The following KCNC1 variants were observed in gnomAD, a reference collection of about 807,000 sequenced individuals.
The protein encoded by KCNC1 is voltage-gated potassium channel KCNC1.
In KCNC1, 8 loss-of-function variants were observed where a neutral mutation model predicts 43.4. That is an observed-to-expected ratio of 0.18 (90% CI 0.11 to 0.33). The LOEUF is 0.33. KCNC1 is among the 10% of genes least tolerant of loss of function. The pLI is 1.00. For synonymous variants in KCNC1, 361 were observed against 360.5 expected, an observed-to-expected ratio of 1.00 and a Z score of -0.01; for missense variants, 420 against 836.0, an observed-to-expected ratio of 0.50 and a Z score of 6.14.
intron 1 of KCNC1, among the ~76,000 whole-genome samples, chr11:17,737,545 G>A (rs1848782744): frequency 6.6e-6 from 1 of 152,070 alleles, no homozygotes. Context: ...AATGGGGGAG[G>A]GGGCCTGGTG....
Position 17,779,711 on chromosome 11 carries a change from C to T in KCNC1, c.1693+67C>T, listed in dbSNP as rs1590110085. On this transcript the variant is annotated intron_variant, in intron 3 of 3. Transcript: ENST00000265969. This position sits in a 1 kb window ranked among gnomAD's most constrained non-coding sequence, Gnocchi z 7.2. ...CCTCGCGCTCCTGCAGATGGGTGGG[C>T]AGGGCGGCGGGCAAGGGCGCTGAGG... is the stretch of plus-strand genomic sequence containing the variant. The T allele has an allele frequency of 1.5e-6, 2 of 1,318,440 alleles. No homozygotes were observed. The highest frequency in any genetic ancestry group is 2.9e-5 in the East Asian group (1 of 34,394). The allele number at this position is 1,318,440 out of a possible 1,614,324, so 81.7% of individuals were successfully genotyped here. A position where few individuals can be genotyped will look rare whatever the true frequency, so the allele number is the denominator to read the frequency against.
intron 1 of KCNC1, among the ~76,000 whole-genome samples, chr11:17,764,130 C>A (rs1849118099): frequency 6.9e-6 from 1 of 144,984 alleles, no homozygotes; most frequent in African/African-American, 2.6e-5. Context: ...CATAGACACA[C>A]ACACACCCCC....
rs1848775185 is a variant in KCNC1, at chr11:17,736,963, G to A, written c.570+391G>A. Among the ~76,000 whole-genome samples, 1 of 152,220 alleles carries A rather than the reference G, an allele frequency of 6.6e-6. No individual in the cohort carries two copies. The highest frequency in any genetic ancestry group is 2.4e-5 in the African/African-American group (1 of 41,448). Reference sequence around the variant, plus strand: ...CGTGAACATTTGTGTCTTTGCAGAGGTGCACTGTCAAAGTATGGACTGCTC... The same window carrying A: ...CGTGAACATTTGTGTCTTTGCAGAGATGCACTGTCAAAGTATGGACTGCTC... On this transcript the variant is annotated intron_variant, in intron 1 of 3. Transcript: ENST00000265969. The surrounding 1 kb of genome is among the most constrained non-coding windows in gnomAD (Gnocchi z 9.3).
At chr11:17,748,900 G>A (rs1031092883) in intron 1 of KCNC1, among the ~76,000 whole-genome samples, 2 of 152,190 alleles carry the variant, frequency 1.3e-5, no homozygotes, top group Non-Finnish European at 2.9e-5. Flanking sequence ...GCAGGAGATG[G>A]TGGGTCCCAT....
In KCNC1 at chr11:17,734,882, C is replaced by G. The variant is rs1848744437; in HGVS notation, c.-1121C>G. ...GCGGCAGCGGCCGCTCCGCGCCTCG[C>G]CTCACCGGCCTCGCTGGCCTCACCT... On this transcript the variant is annotated 5_prime_UTR_variant, in exon 1 of 4. Coordinates refer to ENST00000265969, the MANE Select transcript of KCNC1 (RefSeq NM_001112741.2). 6.7e-6 allele frequency: 1 copy of G among 149,892 alleles called. No homozygotes were observed. The highest frequency in any genetic ancestry group is 2.0e-4 in the South Asian group (1 of 5,068). The allele number at this position is 149,892 out of a possible 1,614,324, so 9.3% of individuals were successfully genotyped here.
intron 2 of KCNC1, chr11:17,774,705 T>C (rs540922470): frequency 4.1e-6 from 4 of 985,476 alleles, no homozygotes; most frequent in East Asian, 1.1e-4. Context: ...AGTTCTGGCT[T>C]GGACAGTCTC....
At chr11:17,770,927 C>T (rs1012808756) in intron 1 of KCNC1, among the ~76,000 whole-genome samples, 1 of 152,324 alleles carries the variant, frequency 6.6e-6, no homozygotes, top group Admixed American at 6.5e-5. Context: ...AACAGTCTCT[C>T]TCACAAAAGA....
chr11:17,744,501 T>C (rs76140047), intron 1 of KCNC1, among the ~76,000 whole-genome samples: 5,885 of 152,244 alleles, frequency 0.039, 190 homozygotes, highest in African/African-American at 0.088. Context: ...CCCAGCCCTC[T>C]GGCAGGCACA....
At chr11:17,752,855 C>T (rs1848983638) in intron 1 of KCNC1, among the ~76,000 whole-genome samples, 1 of 152,166 alleles carries the variant, frequency 6.6e-6, no homozygotes, top group Non-Finnish European at 1.5e-5. Context: ...TGTGTCAGTA[C>T]GTGGTAGCTG....
chr11:17,748,812 G>A (rs557275102), intron 1 of KCNC1, among the ~76,000 whole-genome samples: 63 of 152,252 alleles, frequency 4.1e-4, no homozygotes, highest in South Asian at 1.5e-3. Context: ...GTGGGCCTGC[G>A]TGGAGGGGGC....
intron 1 of KCNC1, among the ~76,000 whole-genome samples, chr11:17,761,480 C>T (rs1849077200): frequency 1.3e-5 from 2 of 152,226 alleles, no homozygotes; most frequent in South Asian, 4.1e-4. Flanking sequence ...GTCCTAGGCA[C>T]CTGGCCTTTT....
Position 17,777,462 on chromosome 11 carries a change from C to G in KCNC1, c.1505-1994C>G. 5.1e-6 allele frequency: 5 copies of G among 986,026 alleles called. No homozygotes were observed. Among genetic ancestry groups the G allele is most frequent in the Non-Finnish European group, 6.0e-6 (5 of 830,004 alleles). 61.1% of individuals were successfully genotyped at this position (986,026 alleles called of 1,614,324 possible). On this transcript the variant is annotated intron_variant, in intron 2 of 3. Coordinates refer to ENST00000265969, the MANE Select transcript of KCNC1 (RefSeq NM_001112741.2). The surrounding 1 kb of genome is among the most constrained non-coding windows in gnomAD (Gnocchi z 4.3). ...CATCGTCATCCGCGTCCTCTCCATA[C>G]TGTTTCCCTCCCCTCTCCCAACACC...
chr11:17,774,477 G>A, intron 2 of KCNC1: 1 of 985,510 alleles, frequency 1.0e-6, no homozygotes, highest in South Asian at 4.7e-5. Context: ...AGATTCCTCT[G>A]TACTCTTGGA....
At chr11:17,761,777 T>C (rs911900846) in intron 1 of KCNC1, among the ~76,000 whole-genome samples, 1 of 152,200 alleles carries the variant, frequency 6.6e-6, no homozygotes, top group Admixed American at 6.5e-5. Flanking sequence ...CAGAGCCTCC[T>C]GGGGCACAAA....
Position 17,776,654 on chromosome 11 carries a change from C to G in KCNC1, c.1505-2802C>G. ...GTGGGTCTAGTGGGGGCCTGGGGGC[C>G]CTGGGCTGGGGGAGGCAGGGCCCCC... On this transcript the variant is annotated intron_variant, in intron 2 of 3. Transcript: ENST00000265969. The surrounding 1 kb of genome is among the most constrained non-coding windows in gnomAD (Gnocchi z 4.4). The G allele has an allele frequency of 1.0e-6, 1 of 984,800 alleles. No individual in the cohort carries two copies. The highest frequency in any genetic ancestry group is 1.7e-5 in the African/African-American group (1 of 57,184). 61.0% of individuals were successfully genotyped at this position (984,800 alleles called of 1,614,324 possible). A position where few individuals can be genotyped will look rare whatever the true frequency, so the allele number is the denominator to read the frequency against.
rs1246695790 is a variant in KCNC1 at position 17,773,463 on chromosome 11, C to A, written c.1504+865C>A. On this transcript the variant is annotated intron_variant, in intron 2 of 3. Transcript: ENST00000265969. This position sits in a 1 kb window ranked among gnomAD's most constrained non-coding sequence, Gnocchi z 4.1. ...GCTACAGACCAGCAACAGCCTCCCA[C>A]CGAGGGTTCTCCCCGTTTCCAGCGG... The A allele has an allele frequency of 2.0e-6, 2 of 985,056 alleles. No individual in the cohort carries two copies. Among genetic ancestry groups the A allele is most frequent in the African/African-American group, 3.5e-5 (2 of 57,140 alleles). 61.0% of individuals were successfully genotyped at this position (985,056 alleles called of 1,614,324 possible).
chr11:17,753,172 A>AC (rs1334630348), intron 1 of KCNC1, among the ~76,000 whole-genome samples: 1 of 152,182 alleles, frequency 6.6e-6, no homozygotes, highest in Non-Finnish European at 1.5e-5. Flanking sequence ...TGTCTGGGCC[A>AC]CCCCTCATTT....
At chr11:17,754,493 G>A (rs1380331800) in intron 1 of KCNC1, among the ~76,000 whole-genome samples, 5 of 152,222 alleles carry the variant, frequency 3.3e-5, no homozygotes, top group Non-Finnish European at 5.9e-5. Context: ...AGCACCAGCC[G>A]CCGGGGGCTC....
intron 1 of KCNC1, among the ~76,000 whole-genome samples, chr11:17,770,585 A>C (rs1849213726): frequency 1.3e-5 from 2 of 152,170 alleles, no homozygotes; most frequent in Non-Finnish European, 2.9e-5. Flanking sequence ...CTCGGTACCC[A>C]TGCCTGCTGC....
Sources: gnomAD v4.1 joint callset for allele counts (sites outside exome capture counted in the v4.1 genomes callset) on GRCh38, gnomAD v4.1.1 for gene constraint, Gnocchi (gnomAD v3.1) non-coding constraint, MANE v1.5 for transcripts, NCBI Gene and HGNC (gene_info 2026-07-23, HGNC 2026-07-21) for gene names.